SEL1L3: variants seen among roughly 807,000 people sequenced by gnomAD.
SEL1L3 encodes the protein protein sel-1 homolog 3.
In SEL1L3, 76 loss-of-function variants were observed where a neutral mutation model predicts 142.8. The ratio of observed to expected loss-of-function variants is 0.53; its 90% CI spans 0.44 to 0.64. The LOEUF is 0.64. Among genes scored for constraint, SEL1L3 ranks in the 30% least tolerant of loss-of-function variants. SEL1L3 has a pLI of 0.00. For synonymous variants in SEL1L3, 504 were observed against 519.6 expected, an observed-to-expected ratio of 0.97 and a Z score of 0.41; for missense variants, 1,262 against 1,381.7, an observed-to-expected ratio of 0.91 and a Z score of 1.37.
At chr4:25,773,461 T>G (rs769912159) in intron 17 of SEL1L3, 19 of 152,170 alleles carry the variant, frequency 1.2e-4, no homozygotes, top group Admixed American at 9.2e-4. Flanking sequence ...TACATATCAA[T>G]GATTACATGA....
At chr4:25,817,999 A>T in intron 9 of SEL1L3, 139 bp downstream of exon 9, 1 of 882,736 alleles carries the variant, frequency 1.1e-6, no homozygotes, top group Non-Finnish European at 1.7e-6. Flanking sequence ...CAAAGGCAGA[A>T]TTTAAATCTG....
chr4:25,808,321 A>G (rs1195344313), intron 9 of SEL1L3, among the ~76,000 whole-genome samples: 2 of 152,216 alleles, frequency 1.3e-5, no homozygotes, highest in East Asian at 1.9e-4. Flanking sequence ...ACCACCACTA[A>G]TTACCCCTTA....
chr4:25,751,136 C>G (rs1021217227), intron 23 of SEL1L3, among the ~76,000 whole-genome samples: 1 of 152,052 alleles, frequency 6.6e-6, no homozygotes, highest in African/African-American at 2.4e-5. Context: ...GGTTTGTGGC[C>G]AGGCAGAAGT....
In SEL1L3 at chr4:25,833,493, A is replaced by G. The variant is rs551703620; in HGVS notation, c.937T>C (p.Ser313Pro). ...GAAGGTGTGCCGTACATCTCATTAG[A>G]GTCAACAAAGTACAGAATCCCACAG... Reference protein sequence around the residue: ...NLCGILYFVDSNEMYGTPSVF... With the variant: ...NLCGILYFVDPNEMYGTPSVF... Residue 313 changes from serine to proline, a missense_variant, in exon 4 of 24, where the codon TCT (serine) becomes CCT (proline). By Grantham distance (74) the Ser-to-Pro change is moderately conservative. Around this residue, in one of 3 missense-constraint regions of SEL1L3, gnomAD observed 689 missense variants for 692.8 expected, o/e 0.99. Coordinates refer to ENST00000399878, the MANE Select transcript of SEL1L3 (RefSeq NM_015187.5). 1 of 1,612,994 alleles carries G rather than the reference A, an allele frequency of 6.2e-7. No individual in the cohort carries two copies. Among genetic ancestry groups the G allele is most frequent in the South Asian group, 1.1e-5 (1 of 91,046 alleles).
At chr4:25,786,924 T>C (rs1168871447) in intron 13 of SEL1L3, among the ~76,000 whole-genome samples, 1 of 152,216 alleles carries the variant, frequency 6.6e-6, no homozygotes, top group Non-Finnish European at 1.5e-5. Flanking sequence ...AATTACTGAG[T>C]GGCCACAGCT....
Position 25,767,809 on chromosome 4 carries a change from A to G in SEL1L3, c.2691T>C (p.Tyr897=), listed in dbSNP as rs772594818. 14 of 1,568,588 alleles carry G rather than the reference A, an allele frequency of 8.9e-6. No homozygotes were observed. In the South Asian group the frequency reaches 1.5e-4, roughly 17 times the overall value. The stretch of plus-strand genomic sequence containing the variant: ...CAATTCCAGTTTCTGCTGCTAAAAC[A>G]TAATACAGCAAAGCTTCATGCCTAA... The part of the protein sequence containing the change: ...EGSWHEALLY[Y]VLAAETGIEV... Residue 897 remains tyrosine (Y), a synonymous_variant, in exon 18 of 24, where the codon TAT becomes TAC. Transcript: ENST00000399878.
chr4:25,782,221 TG>T lies in SEL1L3; in HGVS notation c.2457+20del, dbSNP rs1438854849. ...ATCAAGTGACTGACTAGTTGCAGAG[TG>T]GGTCTCAAGTCCTACTCACTTGATT... is the stretch of plus-strand genomic sequence containing the variant. On this transcript the variant is annotated intron_variant, in intron 15 of 23. Coordinates refer to ENST00000399878, the MANE Select transcript of SEL1L3 (RefSeq NM_015187.5). 1 of 1,605,714 alleles carries T rather than the reference TG, an allele frequency of 6.2e-7. No homozygotes were observed. Among genetic ancestry groups the T allele is most frequent in the South Asian group, 1.1e-5 (1 of 90,636 alleles).
At chr4:25,765,240 C>T in intron 20 of SEL1L3, 86 bp downstream of exon 20, 1 of 860,304 alleles carries the variant, frequency 1.2e-6, no homozygotes. Context: ...GTGACCCGCC[C>T]CCGTCGGCCT....
At chr4:25,858,863 C>T (rs1339000319) in intron 1 of SEL1L3, among the ~76,000 whole-genome samples, 4 of 152,170 alleles carry the variant, frequency 2.6e-5, no homozygotes, top group African/African-American at 7.2e-5. Context: ...TGATTACAGG[C>T]GTAAGACACC....
chr4:25,836,448 A>G (rs777904272), intron 2 of SEL1L3, among the ~76,000 whole-genome samples: 12 of 152,092 alleles, frequency 7.9e-5, no homozygotes, highest in East Asian at 3.9e-4. Context: ...GGAGATCGAG[A>G]CCAGCCTGGC....
intron 1 of SEL1L3, among the ~76,000 whole-genome samples, chr4:25,857,723 C>T (rs1394663187): frequency 6.6e-6 from 1 of 152,224 alleles, no homozygotes; most frequent in Non-Finnish European, 1.5e-5. Flanking sequence ...TGCCTCTTGT[C>T]TTCTAACAAC....
intron 23 of SEL1L3, 33 bp downstream of exon 23, chr4:25,757,500 TA>T (rs1718061843): frequency 2.7e-6 from 3 of 1,114,300 alleles, no homozygotes; most frequent in Non-Finnish European, 3.7e-6. Context: ...TTTTTTTTTT[TA>T]ATATATTGCT....
At chr4:25,745,725 A>G (rs1717241398), downstream of SEL1L3, among the ~76,000 whole-genome samples, 1 of 152,242 alleles carries the variant, frequency 6.6e-6, no homozygotes, top group Non-Finnish European at 1.5e-5. Flanking sequence ...ATCCAGCTCA[A>G]ATGTCCATAG....
chr4:25,862,811 C>T lies in SEL1L3; in HGVS notation c.26G>A (p.Gly9Glu). 3.5e-6 allele frequency: 4 copies of T among 1,153,168 alleles called. No individual in the cohort carries two copies. Among genetic ancestry groups the T allele is most frequent in the Non-Finnish European group, 4.3e-6 (4 of 938,738 alleles). 71.4% of individuals were successfully genotyped at this position (1,153,168 alleles called of 1,614,324 possible). A position where few individuals can be genotyped will look rare whatever the true frequency, so the allele number is the denominator to read the frequency against. ...TTGCTGCTGCTGCTGCCGCGGCCAC[C>T]CGAGCCCCGCGCCGCGCCGCTGCAT... The part of the protein sequence containing the change: MQRRGAGL[G>E]WPRQQQQQPP... The change falls in exon 1 of 24, where the codon GGG becomes GAG. Residue 9 changes from glycine to glutamate, a missense_variant. Coordinates refer to ENST00000399878, the MANE Select transcript of SEL1L3 (RefSeq NM_015187.5).
At chr4:25,745,992 C>A (rs141149879), downstream of SEL1L3, among the ~76,000 whole-genome samples, 536 of 152,302 alleles carry the variant, frequency 3.5e-3, 1 homozygote, top group African/African-American at 0.012. Context: ...AATGACCTAC[C>A]ATATTTAGGA....
intron 17 of SEL1L3, among the ~76,000 whole-genome samples, chr4:25,772,342 A>AT (rs1201328337): frequency 1.3e-5 from 2 of 152,082 alleles, no homozygotes; most frequent in Non-Finnish European, 2.9e-5. Context: ...CTGTATCAAG[A>AT]TTAGCAAAGA....
chr4:25,852,217 A>G (rs1716955814), intron 1 of SEL1L3, among the ~76,000 whole-genome samples: 1 of 152,190 alleles, frequency 6.6e-6, no homozygotes, highest in Non-Finnish European at 1.5e-5. Flanking sequence ...ATGACAATCA[A>G]GAGGTGACAT....
chr4:25,750,234 C>CAA lies in SEL1L3; in HGVS notation c.3260-1672_3260-1671dup, dbSNP rs10718046. Reference sequence around the variant, plus strand: ...TGGGCGACAGAGCGAGACTCCATCTCAAAAAAAAAAAAAAAAAAAAAGAAA... The same window carrying CAA: ...TGGGCGACAGAGCGAGACTCCATCTCAAAAAAAAAAAAAAAAAAAAAAAGAAA... On this transcript the variant is annotated intron_variant, in intron 23 of 23. Transcript: ENST00000399878. 4.7e-3 allele frequency among the ~76,000 whole-genome samples: 491 copies of CAA among 105,016 alleles called. 6 individuals are homozygous for CAA. Among genetic ancestry groups the CAA allele is most frequent in the African/African-American group, 0.018 (449 of 24,564 alleles). 68.9% of individuals were successfully genotyped at this position (105,016 alleles called of 152,430 possible).
chr4:25,758,213 G>A (rs1718127508), intron 21 of SEL1L3, among the ~76,000 whole-genome samples: 1 of 152,170 alleles, frequency 6.6e-6, no homozygotes, highest in Non-Finnish European at 1.5e-5. Flanking sequence ...GCTCACACCC[G>A]TAATCCCAGC....
Sources: allele counts gnomAD v4.1 joint callset (sites outside exome capture counted in the v4.1 genomes callset), GRCh38; gene constraint gnomAD v4.1.1; regional missense constraint gnomAD v4.1.1; transcripts MANE v1.5; gene names NCBI Gene and HGNC (gene_info 2026-07-23, HGNC 2026-07-21).